Variants in LHFPL3 observed in about 807,000 individuals in gnomAD.
LHFPL3 encodes LHFPL tetraspan subfamily member 3.
In LHFPL3, 5 loss-of-function variants were observed where a neutral mutation model predicts 19.3. The ratio of observed to expected loss-of-function variants is 0.26; its 90% CI spans 0.14 to 0.54. The LOEUF is 0.54. Among genes scored for constraint, LHFPL3 ranks in the 20% least tolerant of loss-of-function variants. The probability of loss-of-function intolerance (pLI) is 0.94; values close to 1 mark genes in which losing one functional copy is unlikely to be tolerated. For missense variants in LHFPL3, 249 were observed against 307.4 expected (o/e 0.81, Z 1.42); for synonymous variants, 133 against 126.2 (o/e 1.05, Z -0.36).
At position 104,755,798 on chromosome 7, in the gene LHFPL3, C is replaced by T. The variant is rs149457903; in HGVS notation, c.682+18887C>T. 6.9e-3 allele frequency among the ~76,000 whole-genome samples: 1,045 copies of T among 152,288 alleles called. 7 individuals carry two copies. Among genetic ancestry groups the T allele is most frequent in the African/African-American group, 0.023 (943 of 41,558 alleles). ...ACAACCTCTGCCTCCTGGGTTCAAG[C>T]GATTATCCTGCCTCAACCTCCTGAG... On this transcript the variant is annotated intron_variant, in intron 2 of 2. Coordinates refer to ENST00000424859, the MANE Select transcript of LHFPL3 (RefSeq NM_199000.3).
At chr7:104,377,958 G>T (rs1001111483) in intron 1 of LHFPL3, among the ~76,000 whole-genome samples, 1 of 152,036 alleles carries the variant, frequency 6.6e-6, no homozygotes, top group African/African-American at 2.4e-5. Context: ...CACTGCACTA[G>T]AATTTTGAAC....
chr7:104,850,370 G>C (rs1262365339), intron 2 of LHFPL3, among the ~76,000 whole-genome samples: 1 of 152,192 alleles, frequency 6.6e-6, no homozygotes, highest in African/African-American at 2.4e-5. Context: ...CCTTGGGGGA[G>C]AATGGGACTG....
intron 2 of LHFPL3, among the ~76,000 whole-genome samples, chr7:104,794,401 A>G (rs1790078350): frequency 1.3e-5 from 2 of 152,206 alleles, no homozygotes; most frequent in African/African-American, 2.4e-5. Context: ...ACTGAAAGCT[A>G]TATAAATTTG....
At chr7:104,869,944 A>G (rs947232195) in intron 2 of LHFPL3, among the ~76,000 whole-genome samples, 3 of 152,304 alleles carry the variant, frequency 2.0e-5, no homozygotes, top group South Asian at 2.1e-4. Context: ...CTTTGTAGGG[A>G]CATGGATGAA....
chr7:104,519,958 A>G (rs1269914791), intron 1 of LHFPL3, among the ~76,000 whole-genome samples: 1 of 151,924 alleles, frequency 6.6e-6, no homozygotes, highest in Non-Finnish European at 1.5e-5. Context: ...GTCTTGGTGA[A>G]TGTTAAGTTA....
chr7:104,777,471 A>G (rs979432862), intron 2 of LHFPL3, among the ~76,000 whole-genome samples: 1 of 152,208 alleles, frequency 6.6e-6, no homozygotes, highest in Non-Finnish European at 1.5e-5. Flanking sequence ...CTCTCAGGCA[A>G]TGCTGTCAGC....
chr7:104,503,329 T>C (rs1367764235), intron 1 of LHFPL3, among the ~76,000 whole-genome samples: 4 of 152,156 alleles, frequency 2.6e-5, no homozygotes, highest in Non-Finnish European at 5.9e-5. Flanking sequence ...TGTATGTGTC[T>C]GTAAAAAATG....
At chr7:104,776,350 G>A (rs918260911) in intron 2 of LHFPL3, among the ~76,000 whole-genome samples, 1 of 152,300 alleles carries the variant, frequency 6.6e-6, no homozygotes. Context: ...ATCCCCACCT[G>A]CATACAGCCT....
At chr7:104,527,284 A>T (rs2188170) in intron 1 of LHFPL3, among the ~76,000 whole-genome samples, 96,216 of 151,950 alleles carry the variant, frequency 0.63, 31,344 homozygotes, top group African/African-American at 0.79. Flanking sequence ...ATTTGGCAAG[A>T]GGGGATGGTG....
intron 1 of LHFPL3, among the ~76,000 whole-genome samples, chr7:104,477,046 A>G (rs970075878): frequency 6.6e-6 from 1 of 152,058 alleles, no homozygotes; most frequent in African/African-American, 2.4e-5. Context: ...GCTGGAATGT[A>G]GTGGTGCAAA....
chr7:104,736,417 G>A (rs1382784966), intron 1 of LHFPL3, among the ~76,000 whole-genome samples: 1 of 152,028 alleles, frequency 6.6e-6, no homozygotes, highest in African/African-American at 2.4e-5. Flanking sequence ...TGCGTTCACT[G>A]TAAAGTGCAT....
intron 2 of LHFPL3, among the ~76,000 whole-genome samples, chr7:104,812,966 A>G (rs1790500997): frequency 6.6e-6 from 1 of 151,820 alleles, no homozygotes; most frequent in Non-Finnish European, 1.5e-5. Flanking sequence ...ACAAAAAAAT[A>G]GCTGGATGTG....
At chr7:104,401,486 T>C (rs992079298) in intron 1 of LHFPL3, among the ~76,000 whole-genome samples, 1 of 152,068 alleles carries the variant, frequency 6.6e-6, no homozygotes, top group South Asian at 2.1e-4. Flanking sequence ...ATTTACCAAA[T>C]AGAAAATGAC....
At chr7:104,387,898 A>G (rs1402855363) in intron 1 of LHFPL3, among the ~76,000 whole-genome samples, 1 of 152,186 alleles carries the variant, frequency 6.6e-6, no homozygotes, top group Non-Finnish European at 1.5e-5. Flanking sequence ...CCAGCTAATA[A>G]GCATAGTACC....
intron 2 of LHFPL3, among the ~76,000 whole-genome samples, chr7:104,819,110 T>G (rs1393743138): frequency 1.3e-5 from 2 of 152,190 alleles, no homozygotes; most frequent in Non-Finnish European, 2.9e-5. Flanking sequence ...TGATTTAATA[T>G]AAGCTTAATT....
intron 1 of LHFPL3, among the ~76,000 whole-genome samples, chr7:104,464,171 T>G (rs1302248956): frequency 1.3e-5 from 2 of 152,210 alleles, no homozygotes; most frequent in African/African-American, 4.8e-5. Context: ...AACCTTAAAG[T>G]TCTAAAATAA....
At position 104,661,400 on chromosome 7, in the gene LHFPL3, G is replaced by A. The variant is rs568039463; in HGVS notation, c.446-75275G>A. On this transcript the variant is annotated intron_variant, in intron 1 of 2. Transcript: ENST00000424859. ...CTGAACTGACTCATTTTGGACCATC[G>A]TTTGAAAGAGGAGACCACCAAACTA... Among the ~76,000 whole-genome samples, 26 of 152,226 alleles carry A rather than the reference G, an allele frequency of 1.7e-4. 1 individual carries two copies. The highest frequency in any genetic ancestry group is 2.4e-4 in the Non-Finnish European group (16 of 68,010).
At chr7:104,693,621 C>T (rs778048902) in intron 1 of LHFPL3, among the ~76,000 whole-genome samples, 58 of 152,026 alleles carry the variant, frequency 3.8e-4, no homozygotes, top group Middle Eastern at 6.4e-3. Context: ...AGAGGTGCCT[C>T]CCACCATGAT....
At chr7:104,743,948 T>C (rs1443099609) in intron 2 of LHFPL3, 1 of 151,558 alleles carries the variant, frequency 6.6e-6, no homozygotes, top group African/African-American at 2.4e-5. Context: ...CAGGTATTCC[T>C]CCCACAGCCT....
Sources: gnomAD v4.1 joint callset for allele counts (sites outside exome capture counted in the v4.1 genomes callset) on GRCh38, gnomAD v4.1.1 for gene constraint, MANE v1.5 for transcripts, NCBI Gene and HGNC (gene_info 2026-07-23, HGNC 2026-07-21) for gene names.